The following FAM178B variants were observed in gnomAD, a reference collection of about 807,000 sequenced individuals.
The protein encoded by FAM178B is family with sequence similarity 178 member B.
Under a neutral mutation model 91.7 loss-of-function variants are expected in FAM178B, and 82 were observed. The observed-to-expected ratio is 0.89, with a 90% CI of 0.75 to 1.07. FAM178B has a LOEUF of 1.07. Ranked by LOEUF, FAM178B falls within the 50% of genes least tolerant of loss-of-function variation. The pLI is 0.00. For missense variants in FAM178B, 769 were observed against 846.7 expected, an observed-to-expected ratio of 0.91 and a Z score of 1.14; for synonymous variants, 368 against 359.4, an observed-to-expected ratio of 1.02 and a Z score of -0.27.
intron 7 of FAM178B, among the ~76,000 whole-genome samples, chr2:96,949,678 C>A (rs1226011858): frequency 2.0e-5 from 3 of 152,200 alleles, no homozygotes; most frequent in African/African-American, 7.2e-5. Flanking sequence ...CCAGAAGGCC[C>A]CCCAAAGCCA....
chr2:96,940,483 G>A (rs1014400532), intron 8 of FAM178B, among the ~76,000 whole-genome samples: 2 of 152,214 alleles, frequency 1.3e-5, no homozygotes, highest in African/African-American at 4.8e-5. Context: ...GTGTCAACCT[G>A]ATAGACTAAA....
At chr2:96,975,137 C>A (rs2082273590) in intron 1 of FAM178B, among the ~76,000 whole-genome samples, 1 of 143,166 alleles carries the variant, frequency 7.0e-6, no homozygotes, top group South Asian at 2.2e-4. Flanking sequence ...CATCAAGAAG[C>A]TATAACAGAG....
At chr2:96,909,068 G>A (rs1325565416) in intron 12 of FAM178B, among the ~76,000 whole-genome samples, 1 of 151,370 alleles carries the variant, frequency 6.6e-6, no homozygotes. Flanking sequence ...ACTTGAACCT[G>A]GGAGGCAGAG....
intron 1 of FAM178B, among the ~76,000 whole-genome samples, chr2:96,973,368 A>G (rs2082249236): frequency 6.6e-6 from 1 of 152,142 alleles, no homozygotes; most frequent in Non-Finnish European, 1.5e-5. Flanking sequence ...CCATTTCCCA[A>G]GCACCAGCAC....
In FAM178B at chr2:96,948,849, A is replaced by G. The variant is rs753492787; in HGVS notation, c.994-947T>C. Among the ~76,000 whole-genome samples, 29 of 152,102 alleles carry G rather than the reference A, an allele frequency of 1.9e-4. 1 individual carries two copies. Among genetic ancestry groups the G allele is most frequent in the Admixed American group, 1.2e-3 (18 of 15,280 alleles). The stretch of plus-strand genomic sequence containing the variant: ...GGCCGAGGCTGGAGACCTCGCCTCA[A>G]CTGGGTCAACTCTAAAGGGGTCACC... On this transcript the variant is annotated intron_variant, in intron 7 of 16. Coordinates refer to ENST00000490605, the MANE Select transcript of FAM178B (RefSeq NM_001122646.3).
intron 9 of FAM178B, among the ~76,000 whole-genome samples, chr2:96,926,144 A>G (rs1244649456): frequency 2.0e-5 from 3 of 152,112 alleles, no homozygotes; most frequent in African/African-American, 7.2e-5. Flanking sequence ...TCTCTACTAA[A>G]AATACAAAAA....
At chr2:96,937,633 C>T (rs1352931391) in intron 8 of FAM178B, among the ~76,000 whole-genome samples, 3 of 152,216 alleles carry the variant, frequency 2.0e-5, no homozygotes, top group Non-Finnish European at 4.4e-5. Flanking sequence ...AGACGTCATA[C>T]TTTTTAACGC....
chr2:96,884,638 C>T lies in FAM178B; in HGVS notation c.1777-6145G>A, dbSNP rs116014928. ...ACCAGGCGAAAGGGGATGCATTTTC[C>T]TAGCTACGTGCCTTCTGAGCCCCAG... On this transcript the variant is annotated intron_variant, in intron 14 of 16. Coordinates refer to ENST00000490605, the MANE Select transcript of FAM178B (RefSeq NM_001122646.3). 3.3e-3 allele frequency among the ~76,000 whole-genome samples: 507 copies of T among 152,308 alleles called. 4 individuals are homozygous for T. The highest frequency in any genetic ancestry group is 0.012 in the African/African-American group (498 of 41,556).
intron 12 of FAM178B, among the ~76,000 whole-genome samples, chr2:96,906,486 G>A (rs1450011745): frequency 1.3e-5 from 2 of 152,066 alleles, no homozygotes; most frequent in Non-Finnish European, 2.9e-5. Context: ...GTGAACCATC[G>A]TGGGGGTGCC....
rs142493999 is a variant in FAM178B at position 96,917,276 on chromosome 2, A to G, written c.1562+3889T>C. ...TTATCTATTTAGAAAAATAAAATCA[A>G]TAACACTGATCCCGATAAGGCACCC... On this transcript the variant is annotated intron_variant, in intron 12 of 16. Coordinates refer to ENST00000490605, the MANE Select transcript of FAM178B (RefSeq NM_001122646.3). Among the ~76,000 whole-genome samples the G allele has an allele frequency of 3.4e-3, 518 of 152,352 alleles. 3 individuals are homozygous for G. Among genetic ancestry groups the G allele is most frequent in the Non-Finnish European group, 6.0e-3 (407 of 68,042 alleles).
intron 5 of FAM178B, among the ~76,000 whole-genome samples, chr2:96,964,968 C>CA (rs1367660530): frequency 6.6e-6 from 1 of 152,124 alleles, no homozygotes; most frequent in African/African-American, 2.4e-5. Context: ...TCTCTCTCCC[C>CA]AGGTGATCAT....
At chr2:96,903,356 G>A (rs1334120310) in intron 12 of FAM178B, among the ~76,000 whole-genome samples, 3 of 152,210 alleles carry the variant, frequency 2.0e-5, no homozygotes, top group Admixed American at 6.5e-5. Flanking sequence ...TTTTCAATAC[G>A]CCTCTGCCTC....
chr2:96,894,268 G>A (rs2080755405), intron 13 of FAM178B, among the ~76,000 whole-genome samples: 1 of 151,564 alleles, frequency 6.6e-6, no homozygotes, highest in Admixed American at 6.6e-5. Context: ...GAGAGGAGGG[G>A]TACCCAAACA....
intron 6 of FAM178B, 191 bp from the exon 7 acceptor site, chr2:96,951,675 A>C: frequency 1.8e-6 from 1 of 570,160 alleles, no homozygotes. Context: ...GGCTAGCATC[A>C]GAATCACCTG....
At chr2:96,913,801 C>T (rs1054482048) in intron 12 of FAM178B, among the ~76,000 whole-genome samples, 1 of 152,184 alleles carries the variant, frequency 6.6e-6, no homozygotes, top group African/African-American at 2.4e-5. Context: ...GCCAGAAAAG[C>T]CTGTGAGGAC....
chr2:96,961,725 G>A (rs1174997011), intron 5 of FAM178B, among the ~76,000 whole-genome samples: 1 of 152,118 alleles, frequency 6.6e-6, no homozygotes, highest in Non-Finnish European at 1.5e-5. Flanking sequence ...CACTGGGTGT[G>A]GTGTGGCGTC....
At position 96,967,530 on chromosome 2, in the gene FAM178B, G is replaced by A; in HGVS notation, c.724C>T (p.Pro242Ser). 1 of 1,545,982 alleles carries A rather than the reference G, an allele frequency of 6.5e-7. No individual in the cohort carries two copies. The highest frequency in any genetic ancestry group is 8.7e-7 in the Non-Finnish European group (1 of 1,143,210). ...DLDEEEVPLT[P>S]EHRMLVEKYS... The stretch of plus-strand genomic sequence containing the variant: ...GCCCCTGCCCCTCACCTGTGCTCGG[G>A]TGTGAGTGGCACTTCCTCTTCATCA... The change falls in exon 5 of 17, where the codon CCC (proline) becomes TCC (serine). Residue 242 changes from proline to serine, a missense_variant. Transcript: ENST00000490605.
intron 8 of FAM178B, among the ~76,000 whole-genome samples, chr2:96,934,509 T>TCAA (rs373359976): frequency 4.6e-5 from 7 of 152,148 alleles, no homozygotes; most frequent in Middle Eastern, 3.4e-3. Context: ...AGCCAGGTCC[T>TCAA]CAACAACAAC....
At position 96,972,158 on chromosome 2, in the gene FAM178B, C is replaced by A; in HGVS notation, c.307G>T (p.Gly103Trp). ...SPKKPKIQAPGETFPTDWSPP... is the reference protein window; with the variant it reads ...SPKKPKIQAPWETFPTDWSPP... ...CTCCAGTCAGTGGGAAACGTTTCCC[C>A]AGGTGCCTGTATCTTGGGCTTCTTT... The change falls in exon 3 of 17, where the codon GGG (glycine) becomes TGG (tryptophan). Residue 103 changes from glycine (G) to tryptophan (W), a missense_variant. Physicochemically the swap from Gly to Trp is radical, Grantham distance 184. Coordinates refer to ENST00000490605, the MANE Select transcript of FAM178B (RefSeq NM_001122646.3). 6.5e-7 allele frequency: 1 copy of A among 1,543,614 alleles called. No individual in the cohort carries two copies. The highest frequency in any genetic ancestry group is 1.2e-5 in the South Asian group (1 of 83,018).
Sources: allele counts gnomAD v4.1 joint callset (sites outside exome capture counted in the v4.1 genomes callset), GRCh38; gene constraint gnomAD v4.1.1; transcripts MANE v1.5; gene names NCBI Gene and HGNC (gene_info 2026-07-23, HGNC 2026-07-21).